CCDC92: variants seen among roughly 807,000 people sequenced by gnomAD.
The protein encoded by CCDC92 is coiled-coil domain-containing protein 92.
Under a neutral mutation model 24.9 loss-of-function variants are expected in CCDC92, and 12 were observed. That is an observed-to-expected ratio of 0.48 (90% CI 0.31 to 0.78). CCDC92 has a LOEUF of 0.78. Among genes scored for constraint, CCDC92 ranks in the 30% least tolerant of loss-of-function variants. The probability of loss-of-function intolerance (pLI) is 0.05; values close to 1 mark genes in which losing one functional copy is unlikely to be tolerated. For missense variants in CCDC92, 399 were observed against 439.4 expected, an observed-to-expected ratio of 0.91 and a Z score of 0.82; for synonymous variants, 193 against 196.3, an observed-to-expected ratio of 0.98 and a Z score of 0.14.
At chr12:123,938,302 G>A (rs1955584729) in intron 4 of CCDC92, among the ~76,000 whole-genome samples, 1 of 152,000 alleles carries the variant, frequency 6.6e-6, no homozygotes, top group Admixed American at 6.6e-5. Context: ...TGTCACCTTT[G>A]CTCTGCCGCT....
chr12:123,950,758 G>A (rs1323061699), intron 1 of CCDC92, among the ~76,000 whole-genome samples: 1 of 152,200 alleles, frequency 6.6e-6, no homozygotes, highest in Non-Finnish European at 1.5e-5. Flanking sequence ...TTACCCGTGG[G>A]AGGAACCAAG....
At chr12:123,957,257 C>G (rs1837688033) in intron 1 of CCDC92, among the ~76,000 whole-genome samples, 1 of 152,228 alleles carries the variant, frequency 6.6e-6, no homozygotes, top group Non-Finnish European at 1.5e-5. Context: ...TCAGCTTCTT[C>G]TGGTTGATCC....
intron 1 of CCDC92, among the ~76,000 whole-genome samples, chr12:123,948,589 G>A (rs1430908794): frequency 1.3e-5 from 2 of 152,148 alleles, no homozygotes. Context: ...GGGGGACAAG[G>A]GTCTCCTGGC....
At chr12:123,970,132 G>A (rs752446329) in intron 1 of CCDC92, 4 of 152,050 alleles carry the variant, frequency 2.6e-5, no homozygotes, top group Non-Finnish European at 4.4e-5. Flanking sequence ...ATGTTGCTAC[G>A]TCCACAACTC....
intron 1 of CCDC92, among the ~76,000 whole-genome samples, chr12:123,969,433 A>G (rs1956469576): frequency 6.6e-6 from 1 of 151,512 alleles, no homozygotes; most frequent in African/African-American, 2.4e-5. Context: ...CAAGCACAAG[A>G]ATCATCTCTT....
chr12:123,966,188 C>G (rs1182377883), intron 1 of CCDC92: 4 of 152,176 alleles, frequency 2.6e-5, no homozygotes, highest in Non-Finnish European at 2.9e-5. Flanking sequence ...CCTACACATT[C>G]ATCAATGCCT....
At position 123,937,382 on chromosome 12, in the gene CCDC92, G is replaced by A. The variant is rs766488444; in HGVS notation, c.672C>T (p.Phe224=). 15 of 1,613,904 alleles carry A rather than the reference G, an allele frequency of 9.3e-6. No individual in the cohort carries two copies. The East Asian group carries it at 1.6e-4, about 17-fold the overall frequency. ...LHPEFEEVYR[F]GAESRKLLLR... ...AAAGGAGTTTCCTGCTCTCTGCCCC[G>A]AATCTGTAGACCTCTTCAAATTCCG... Residue 224 remains phenylalanine, a synonymous_variant, in exon 5 of 5, where the codon TTC becomes TTT. Transcript: ENST00000238156. The surrounding 1 kb of genome is among the most constrained non-coding windows in gnomAD (Gnocchi z 8.4).
In CCDC92 at chr12:123,944,331, G is replaced by A. The variant is rs200997383; in HGVS notation, c.-26C>T. On this transcript the variant is annotated 5_prime_UTR_variant, in exon 2 of 5. Transcript: ENST00000238156. ...GGGTCTTTCTGGAAAAGCTACCAGA[G>A]TAATTCAAGACGCTTGTACAGCACT... The A allele has an allele frequency of 6.4e-6, 10 of 1,567,618 alleles. No individual in the cohort carries two copies. Among genetic ancestry groups the A allele is most frequent in the South Asian group, 1.2e-5 (1 of 85,130 alleles).
chr12:123,955,807 T>C (rs1168340296), intron 1 of CCDC92, among the ~76,000 whole-genome samples: 1 of 152,178 alleles, frequency 6.6e-6, no homozygotes, highest in Non-Finnish European at 1.5e-5. Context: ...TTTAGCCATA[T>C]TTTTCCTTTA....
intron 1 of CCDC92, chr12:123,945,467 A>G (rs6488911): frequency 0.96 from 146,578 of 152,352 alleles, 70,733 homozygotes; most frequent in Middle Eastern, 1. Flanking sequence ...AGCCAGCTAC[A>G]ACCAAGGCAG....
In CCDC92 at chr12:123,936,375, G is replaced by GTT. The variant is rs1955491654; in HGVS notation, c.*681_*682dup. 3.3e-5 allele frequency: 5 copies of GTT among 152,716 alleles called. No homozygotes were observed. Among genetic ancestry groups the GTT allele is most frequent in the South Asian group, 4.1e-4 (2 of 4,830 alleles). The allele number at this position is 152,716 out of a possible 1,614,324, so 9.5% of individuals were successfully genotyped here. ...GCAGTCTCCTAGCCCTCCTTCAGGT[G>GTT]TTTGTTTAATAAAAGACACAAAACA... On this transcript the variant is annotated 3_prime_UTR_variant, in exon 5 of 5. Coordinates refer to ENST00000238156, the MANE Select transcript of CCDC92 (RefSeq NM_025140.3).
At position 123,936,974 on chromosome 12, in the gene CCDC92, T is replaced by C; in HGVS notation, c.*84A>G. 2 of 1,486,144 alleles carry C rather than the reference T, an allele frequency of 1.3e-6. No homozygotes were observed. The highest frequency in any genetic ancestry group is 2.4e-5 in the South Asian group (2 of 83,506). The allele number at this position is 1,486,144 out of a possible 1,614,324, so 92.1% of individuals were successfully genotyped here. ...AGGTGTGAAAAGTGTTTGGCATGCA[T>C]GGGATTAAACAGAAAAGGTGTGGCT... On this transcript the variant is annotated 3_prime_UTR_variant, in exon 5 of 5. Coordinates refer to ENST00000238156, the MANE Select transcript of CCDC92 (RefSeq NM_025140.3).
Position 123,966,809 on chromosome 12 carries a change from A to G in CCDC92, c.-60+5720T>C, listed in dbSNP as rs557796710. 2.0e-5 allele frequency among the ~76,000 whole-genome samples: 3 copies of G among 152,334 alleles called. No individual in the cohort carries two copies. In the East Asian group the frequency reaches 5.8e-4, roughly 29 times the overall value. ...CTCTAACCACAGCCTGCTAATGAGT[A>G]ACATTCAGTGCAGTGTTCTAGAATT... On this transcript the variant is annotated intron_variant, in intron 1 of 4. Transcript: ENST00000238156.
intron 1 of CCDC92, among the ~76,000 whole-genome samples, 165 bp downstream of exon 1, chr12:123,972,364 G>A (rs986230983): frequency 1.3e-5 from 2 of 152,058 alleles, no homozygotes; most frequent in African/African-American, 4.8e-5. Flanking sequence ...CGGAGGTGGG[G>A]CAGGAGGACC....
At chr12:123,948,437 A>C (rs903160519) in intron 1 of CCDC92, among the ~76,000 whole-genome samples, 2 of 152,238 alleles carry the variant, frequency 1.3e-5, no homozygotes, top group African/African-American at 4.8e-5. Flanking sequence ...TAACTGCAGA[A>C]ATACAAAAGC....
chr12:123,968,945 T>C (rs1006026688), intron 1 of CCDC92, among the ~76,000 whole-genome samples: 2 of 152,230 alleles, frequency 1.3e-5, no homozygotes, highest in Non-Finnish European at 2.9e-5. Context: ...GGTCAGATCT[T>C]GGTTTAACTC....
rs1471055655 is a variant in CCDC92 at position 123,944,329 on chromosome 12, G to C, written c.-24C>G. 19 of 1,568,810 alleles carry C rather than the reference G, an allele frequency of 1.2e-5. No individual in the cohort carries two copies. Among genetic ancestry groups the C allele is most frequent in the Middle Eastern group, 1.7e-4 (1 of 5,934 alleles). On this transcript the variant is annotated 5_prime_UTR_variant, in exon 2 of 5. Coordinates refer to ENST00000238156, the MANE Select transcript of CCDC92 (RefSeq NM_025140.3). ...ATGGGTCTTTCTGGAAAAGCTACCA[G>C]AGTAATTCAAGACGCTTGTACAGCA...
At chr12:123,971,978 G>C (rs1020311810) in intron 1 of CCDC92, 1 of 152,310 alleles carries the variant, frequency 6.6e-6, no homozygotes, top group African/African-American at 2.4e-5. Flanking sequence ...CATTTAAAAA[G>C]GCGATGTGGA....
rs1955550997 is a variant in CCDC92 at position 123,937,491 on chromosome 12, C to G, written c.563G>C (p.Ser188Thr). The change falls in exon 5 of 5, where the codon AGC (serine) becomes ACC (threonine). Residue 188 changes from serine to threonine, a missense_variant. Coordinates refer to ENST00000238156, the MANE Select transcript of CCDC92 (RefSeq NM_025140.3). This position sits in a 1 kb window ranked among gnomAD's most constrained non-coding sequence, Gnocchi z 8.4. ...ASPSGSPVLA[S>T]YKPAPPKDKL... is the part of the protein sequence containing the mutation. ...GTCTTTGGGGGGCGCTGGCTTGTAG[C>G]TGGCCAGCACGGGGCTCCCTGACGG... is the stretch of plus-strand genomic sequence containing the variant. 8.1e-6 allele frequency: 13 copies of G among 1,612,832 alleles called. No homozygotes were observed. Among genetic ancestry groups the G allele is most frequent in the Non-Finnish European group, 1.1e-5 (13 of 1,179,972 alleles).
Sources: gnomAD v4.1 joint callset for allele counts (sites outside exome capture counted in the v4.1 genomes callset) on GRCh38, gnomAD v4.1.1 for gene constraint, Gnocchi (gnomAD v3.1) non-coding constraint, MANE v1.5 for transcripts, NCBI Gene and HGNC (gene_info 2026-07-23, HGNC 2026-07-21) for gene names.